GRIP1: variants seen among roughly 807,000 people sequenced by gnomAD.
GRIP1 encodes glutamate receptor interacting protein 1.
In GRIP1, 45 loss-of-function variants were observed where a neutral mutation model predicts 129.9. That is an observed-to-expected ratio of 0.35 (90% CI 0.27 to 0.44). The LOEUF is 0.44. Ranked by LOEUF, GRIP1 falls within the 20% of genes least tolerant of loss-of-function variation. The pLI is 1.00. For synonymous variants in GRIP1, 530 were observed against 520.8 expected, an observed-to-expected ratio of 1.02 and a Z score of -0.24; for missense variants, 1,196 against 1,396.8, an observed-to-expected ratio of 0.86 and a Z score of 2.29.
At chr12:66,895,816 T>G (rs186604887) in intron 1 of GRIP1, among the ~76,000 whole-genome samples, 1 of 152,366 alleles carries the variant, frequency 6.6e-6, no homozygotes, top group Admixed American at 6.5e-5. Flanking sequence ...ACACTGTGTT[T>G]CTTATCATAT....
chr12:66,780,694 C>T (rs538930447), intron 1 of GRIP1, among the ~76,000 whole-genome samples: 1 of 152,240 alleles, frequency 6.6e-6, no homozygotes, highest in Admixed American at 6.5e-5. Context: ...TGAATCTGGG[C>T]TGAATTTTGG....
chr12:66,531,243 AAAAAAAAAAATATATATATATATATATAT>A lies in GRIP1; in HGVS notation c.419-1358_419-1330del, dbSNP rs1251049427. On this transcript the variant is annotated intron_variant, in intron 4 of 24. Coordinates refer to ENST00000359742, the MANE Select transcript of GRIP1 (RefSeq NM_001366722.1). ...AGAGTGAGACTCTGTCTCAAAAAAAAAAAAAAAAAATATATATATATATATATATATATATATATATATATATATATATA... is the reference window on the plus strand; with the variant it reads ...AGAGTGAGACTCTGTCTCAAAAAAAAATATATATATATATATATATATATA... 7.0e-3 allele frequency among the ~76,000 whole-genome samples: 364 copies of A among 52,324 alleles called. 7 individuals carry two copies. Among genetic ancestry groups the A allele is most frequent in the Non-Finnish European group, 9.1e-3 (288 of 31,620 alleles). 34.3% of individuals were successfully genotyped at this position (52,324 alleles called of 152,430 possible). A position where few individuals can be genotyped will look rare whatever the true frequency, so the allele number is the denominator to read the frequency against.
intron 1 of GRIP1, among the ~76,000 whole-genome samples, chr12:66,850,883 C>G (rs914902559): frequency 6.6e-6 from 1 of 150,670 alleles, no homozygotes; most frequent in African/African-American, 2.4e-5. Context: ...CTCTTTTGGG[C>G]TTCTTGGCTT....
intron 9 of GRIP1, among the ~76,000 whole-genome samples, chr12:66,457,910 C>T (rs1444732734): frequency 2.6e-5 from 4 of 152,204 alleles, no homozygotes; most frequent in African/African-American, 9.7e-5. Flanking sequence ...AATCATCTAC[C>T]TCACAGGGAT....
At chr12:66,991,412 A>AG (rs1163409409) in intron 1 of GRIP1, among the ~76,000 whole-genome samples, 1 of 152,260 alleles carries the variant, frequency 6.6e-6, no homozygotes, top group Non-Finnish European at 1.5e-5. Context: ...CAGGAGAATA[A>AG]GGCATTGCCA....
At chr12:66,875,423 T>C (rs1316001144) in intron 1 of GRIP1, among the ~76,000 whole-genome samples, 2 of 152,072 alleles carry the variant, frequency 1.3e-5, no homozygotes. Context: ...GTGACCTGGA[T>C]GAGGTTACAT....
At chr12:66,627,831 T>C (rs2030269514) in intron 1 of GRIP1, among the ~76,000 whole-genome samples, 1 of 152,086 alleles carries the variant, frequency 6.6e-6, no homozygotes, top group Non-Finnish European at 1.5e-5. Flanking sequence ...CTGCTAGTCT[T>C]GGAGCTGGGA....
intron 7 of GRIP1, among the ~76,000 whole-genome samples, chr12:66,515,299 A>G (rs2060812230): frequency 6.6e-6 from 1 of 152,094 alleles, no homozygotes; most frequent in Non-Finnish European, 1.5e-5. Flanking sequence ...CCTTAAGTTA[A>G]TAATACTATT....
At chr12:66,958,094 G>C (rs1052731833) in intron 1 of GRIP1, among the ~76,000 whole-genome samples, 4 of 152,094 alleles carry the variant, frequency 2.6e-5, no homozygotes, top group African/African-American at 9.7e-5. Flanking sequence ...GAGCTCTTCA[G>C]TTGGTTCTTG....
chr12:66,887,627 C>G (rs986573953), intron 1 of GRIP1, among the ~76,000 whole-genome samples: 1 of 152,182 alleles, frequency 6.6e-6, no homozygotes, highest in African/African-American at 2.4e-5. Flanking sequence ...GAACATTCTA[C>G]ACATGCTTTG....
chr12:67,058,438 A>C (rs756031337), intron 1 of GRIP1, among the ~76,000 whole-genome samples: 6 of 152,228 alleles, frequency 3.9e-5, no homozygotes, highest in Non-Finnish European at 8.8e-5. Context: ...AGAAGTCTTG[A>C]GTACATGTAG....
rs182490254 is a variant in GRIP1 at position 67,046,489 on chromosome 12, C to G, written c.58+22561G>C. Among the ~76,000 whole-genome samples, 717 of 152,228 alleles carry G rather than the reference C, an allele frequency of 4.7e-3. 5 individuals are homozygous for G. The highest frequency in any genetic ancestry group is 0.016 in the African/African-American group (684 of 41,530). On this transcript the variant is annotated intron_variant, in intron 1 of 1. Coordinates refer to the GRIP1 transcript ENST00000643019. ...CATGTTAATTTTAATAATTTTGAGT[C>G]CTGGATTTTAAATCTTACAGTATAT...
rs561530875 is a variant in GRIP1, at chr12:66,850,036, T to C, written c.58+219014A>G. Among the ~76,000 whole-genome samples the C allele has an allele frequency of 1.3e-3, 200 of 152,304 alleles. 3 individuals carry two copies. In the South Asian group the frequency reaches 0.04, roughly 31 times the overall value. ...TCCAGAAAATATTCTTAAGTCCCTT[T>C]TCCATGTTTGACTTATGGAGATACT... On this transcript the variant is annotated intron_variant, in intron 1 of 1. Coordinates refer to the GRIP1 transcript ENST00000643019.
intron 24 of GRIP1, among the ~76,000 whole-genome samples, chr12:66,352,299 A>G (rs140413400): frequency 7.2e-4 from 110 of 152,260 alleles, no homozygotes; most frequent in African/African-American, 2.6e-3. Flanking sequence ...GTGAGCAGGG[A>G]CCTGAAGTAG....
chr12:66,415,293 T>C (rs1042258333), intron 15 of GRIP1, among the ~76,000 whole-genome samples: 4 of 151,532 alleles, frequency 2.6e-5, no homozygotes, highest in African/African-American at 9.7e-5. Flanking sequence ...AAAAAAGATA[T>C]TCATGCAGCC....
At chr12:66,707,839 GAAT>G (rs2035586797) in intron 1 of GRIP1, among the ~76,000 whole-genome samples, 1 of 151,832 alleles carries the variant, frequency 6.6e-6, no homozygotes, top group Non-Finnish European at 1.5e-5. Context: ...CTGTTTTCCT[GAAT>G]AATAAAAAAG....
chr12:66,733,115 A>G (rs1043029100), intron 1 of GRIP1, among the ~76,000 whole-genome samples: 1 of 152,164 alleles, frequency 6.6e-6, no homozygotes, highest in Non-Finnish European at 1.5e-5. Context: ...TAGCCTCCTG[A>G]GAAGCATCCT....
chr12:66,650,225 CTCTTAAAAGTAT>C (rs2032694568), intron 1 of GRIP1, among the ~76,000 whole-genome samples: 1 of 152,014 alleles, frequency 6.6e-6, no homozygotes, highest in Non-Finnish European at 1.5e-5. Context: ...TAGAAGAATA[CTCTTAAAAGTAT>C]TCTTAAAAGA....
chr12:66,699,896 G>A (rs1314601426), intron 1 of GRIP1, among the ~76,000 whole-genome samples: 2 of 152,104 alleles, frequency 1.3e-5, no homozygotes, highest in Non-Finnish European at 2.9e-5. Context: ...AGGAGTCAAG[G>A]AGTACCAGCT....
Sources: gnomAD v4.1 joint callset for allele counts (sites outside exome capture counted in the v4.1 genomes callset) on GRCh38, gnomAD v4.1.1 for gene constraint, MANE v1.5 for transcripts, NCBI Gene and HGNC (gene_info 2026-07-23, HGNC 2026-07-21) for gene names.